The following NTM variants were observed in gnomAD, a reference collection of about 807,000 sequenced individuals.
NTM encodes the protein IgLON family member 2.
A neutral mutation model predicts 42.1 loss-of-function variants in NTM; 13 were observed. The ratio of observed to expected loss-of-function variants is 0.31; its 90% CI spans 0.20 to 0.49. The LOEUF (loss-of-function observed/expected upper bound fraction) is 0.49, where lower values mean the gene tolerates loss of function less well. Among genes scored for constraint, NTM ranks in the 20% least tolerant of loss-of-function variants. The pLI, the probability that NTM is intolerant of heterozygous loss-of-function variation, is 0.99. For synonymous variants in NTM, 187 were observed against 179.2 expected (o/e 1.04, Z -0.35); for missense variants, 373 against 452.8 (o/e 0.82, Z 1.60).
intron 2 of NTM, among the ~76,000 whole-genome samples, chr11:132,037,512 G>T (rs2076656183): frequency 6.6e-6 from 1 of 152,108 alleles, no homozygotes; most frequent in Middle Eastern, 3.2e-3. Context: ...GCTGACCATC[G>T]TCTGTGACTC....
chr11:131,757,729 C>T (rs977951888), intron 1 of NTM, among the ~76,000 whole-genome samples: 1 of 152,022 alleles, frequency 6.6e-6, no homozygotes, highest in East Asian at 1.9e-4. Flanking sequence ...TAACAGGATG[C>T]TATTCCCAAG....
chr11:131,561,724 A>G (rs898578828), intron 1 of NTM, among the ~76,000 whole-genome samples: 5 of 152,040 alleles, frequency 3.3e-5, no homozygotes, highest in African/African-American at 1.2e-4. Flanking sequence ...CAGAGACACA[A>G]CTACTGCATT....
At chr11:131,663,356 T>G (rs2068433092) in intron 1 of NTM, 1 of 152,264 alleles carries the variant, frequency 6.6e-6, no homozygotes, top group South Asian at 2.1e-4. Context: ...GCTCTTCATT[T>G]GCTTGGAATC....
chr11:132,206,596 A>T (rs1012575341), intron 3 of NTM, among the ~76,000 whole-genome samples: 3 of 152,226 alleles, frequency 2.0e-5, no homozygotes, highest in African/African-American at 7.2e-5. Context: ...AACTTGGCCA[A>T]GGTTGCCCAG....
In NTM at chr11:131,866,224, G is replaced by A. The variant is rs369469990; in HGVS notation, c.83-45340G>A. On this transcript the variant is annotated intron_variant, in intron 1 of 8. Coordinates refer to ENST00000683400, the MANE Select transcript of NTM (RefSeq NM_001352005.2). ...TGCTGCACACACACATGCATGCGTT[G>A]GCAGGTGCTTCCTTTTCACCCTTCT... Among the ~76,000 whole-genome samples, 134 of 152,334 alleles carry A rather than the reference G, an allele frequency of 8.8e-4. 1 individual carries two copies. The highest frequency in any genetic ancestry group is 3.0e-3 in the African/African-American group (125 of 41,574).
intron 3 of NTM, among the ~76,000 whole-genome samples, chr11:132,152,158 T>A (rs562253883): frequency 1.3e-5 from 2 of 152,348 alleles, no homozygotes; most frequent in East Asian, 1.9e-4. Context: ...AAGGAAATAA[T>A]GTGACCTAAT....
intron 1 of NTM, among the ~76,000 whole-genome samples, chr11:131,420,791 AT>A (rs1225904642): frequency 6.6e-6 from 1 of 152,070 alleles, no homozygotes; most frequent in East Asian, 1.9e-4. Context: ...TTTCTTTTTC[AT>A]TTTTTATAAA....
chr11:131,628,531 A>G (rs1592280254), intron 1 of NTM, among the ~76,000 whole-genome samples: 1 of 152,180 alleles, frequency 6.6e-6, no homozygotes, highest in Non-Finnish European at 1.5e-5. Flanking sequence ...ACGCCAGCAT[A>G]TTGGAACTAA....
At chr11:132,277,244 A>G (rs2093763212) in intron 4 of NTM, among the ~76,000 whole-genome samples, 1 of 152,166 alleles carries the variant, frequency 6.6e-6, no homozygotes. Context: ...GAAAACATTC[A>G]TCTTCTCATT....
chr11:132,116,006 A>T (rs1175075153), intron 2 of NTM, among the ~76,000 whole-genome samples: 1 of 152,034 alleles, frequency 6.6e-6, no homozygotes, highest in East Asian at 1.9e-4. Flanking sequence ...CTTCTTCTAA[A>T]CTCAGCTCAG....
intron 1 of NTM, among the ~76,000 whole-genome samples, chr11:131,634,088 A>G (rs2064061624): frequency 6.6e-6 from 1 of 152,220 alleles, no homozygotes; most frequent in Admixed American, 6.5e-5. Context: ...ATCTGTTTGC[A>G]CATGAGCTTG....
chr11:131,802,342 G>T (rs1380495563), intron 1 of NTM, among the ~76,000 whole-genome samples: 1 of 152,116 alleles, frequency 6.6e-6, no homozygotes, highest in Non-Finnish European at 1.5e-5. Flanking sequence ...AGGGCCATTT[G>T]CATGAAAACA....
intron 2 of NTM, among the ~76,000 whole-genome samples, chr11:131,997,694 G>C (rs796256894): frequency 1.6e-4 from 24 of 152,076 alleles, no homozygotes; most frequent in African/African-American, 5.8e-4. Context: ...TTCCTGGAAT[G>C]CAGCTGTCAC....
At chr11:131,950,369 A>G (rs2134340909) in intron 2 of NTM, among the ~76,000 whole-genome samples, 1 of 152,282 alleles carries the variant, frequency 6.6e-6, no homozygotes, top group Non-Finnish European at 1.5e-5. Context: ...ACTGGCTTCA[A>G]CTTTTCTTTC....
chr11:131,991,843 T>G (rs2067080091), intron 2 of NTM, among the ~76,000 whole-genome samples: 1 of 152,158 alleles, frequency 6.6e-6, no homozygotes, highest in Admixed American at 6.6e-5. Context: ...GACAAGTAGT[T>G]AAGCTTGGTG....
chr11:131,845,500 G>A (rs2044784865), intron 1 of NTM, among the ~76,000 whole-genome samples: 1 of 152,042 alleles, frequency 6.6e-6, no homozygotes, highest in African/African-American at 2.4e-5. Context: ...CCCTCCCCCA[G>A]CCCTACTAAA....
chr11:131,876,903 G>A (rs1473501124), intron 1 of NTM, among the ~76,000 whole-genome samples: 1 of 150,764 alleles, frequency 6.6e-6, no homozygotes, highest in African/African-American at 2.4e-5. Context: ...CTGTCACCCA[G>A]GCTGGAGAGC....
intron 1 of NTM, among the ~76,000 whole-genome samples, chr11:131,878,594 A>AATATATATAT (rs201069325): frequency 7.2e-4 from 14 of 19,334 alleles, no homozygotes; most frequent in Non-Finnish European, 1.2e-3. Context: ...AAAAAAAAAA[A>AATATATATAT]ATATATATAT....
At chr11:132,122,991 G>A (rs183044143) in intron 2 of NTM, among the ~76,000 whole-genome samples, 11 of 152,250 alleles carry the variant, frequency 7.2e-5, no homozygotes, top group African/African-American at 2.4e-4. Context: ...TCCTCGCCAC[G>A]TTGAATGTAT....
Sources: gnomAD v4.1 joint callset for allele counts (sites outside exome capture counted in the v4.1 genomes callset) on GRCh38, gnomAD v4.1.1 for gene constraint, MANE v1.5 for transcripts, NCBI Gene and HGNC (gene_info 2026-07-23, HGNC 2026-07-21) for gene names.